Variants in ZCWPW2 observed in about 807,000 individuals in gnomAD.
The protein encoded by ZCWPW2 is zinc finger CW-type PWWP domain protein 2.
ZCWPW2 carries 45 observed loss-of-function variants against 46.6 expected under a neutral mutation model. The observed-to-expected ratio is 0.96, with a 90% CI of 0.76 to 1.24. The LOEUF (loss-of-function observed/expected upper bound fraction) is 1.24. Among genes scored for constraint, ZCWPW2 ranks in the 50% most tolerant of loss-of-function variants. The probability of loss-of-function intolerance (pLI) is 0.00; values close to 1 mark genes in which losing one functional copy is unlikely to be tolerated. For synonymous variants in ZCWPW2, 152 were observed against 137.1 expected, an observed-to-expected ratio of 1.11 and a Z score of -0.76; for missense variants, 429 against 403.9, an observed-to-expected ratio of 1.06 and a Z score of -0.53.
chr3:28,404,905 A>G (rs192945979), intron 2 of ZCWPW2, among the ~76,000 whole-genome samples: 3 of 152,320 alleles, frequency 2.0e-5, no homozygotes, highest in Non-Finnish European at 4.4e-5. Context: ...GGTGAGGGAC[A>G]AAAGACTACA....
At chr3:28,470,511 AAG>A (rs1272856486) in intron 4 of ZCWPW2, among the ~76,000 whole-genome samples, 2 of 87,056 alleles carry the variant, frequency 2.3e-5, no homozygotes, top group African/African-American at 7.5e-5. Flanking sequence ...AAAAAAAAAA[AAG>A]GAAGGAAATT....
rs1383295075 is a variant in ZCWPW2 at position 28,398,793 on chromosome 3, G to A, written c.-14+8176G>A. On this transcript the variant is annotated intron_variant, in intron 2 of 9. Transcript: ENST00000383768. ...GCAGCAGGAAAAGACCTGTGAGCTC[G>A]CTGGGTCCCCTAGAAAGCCATATCT... Among the ~76,000 whole-genome samples the A allele has an allele frequency of 5.3e-5, 8 of 152,146 alleles. No individual in the cohort carries two copies. In the East Asian group the frequency reaches 1.3e-3, roughly 26 times the overall value.
intron 5 of ZCWPW2, among the ~76,000 whole-genome samples, chr3:28,487,325 T>A (rs1699637969): frequency 6.6e-6 from 1 of 152,086 alleles, no homozygotes; most frequent in South Asian, 2.1e-4. Context: ...AGTTTTTTAG[T>A]TTTGGTGGTT....
intron 3 of ZCWPW2, 95 bp downstream of exon 3, chr3:28,413,495 T>G: frequency 9.2e-7 from 1 of 1,081,788 alleles, no homozygotes; most frequent in Non-Finnish European, 1.3e-6. Context: ...TTTTCTTTTG[T>G]CTACTTGTTT....
In ZCWPW2 at chr3:28,353,372, A is replaced by G. The variant is rs546646326; in HGVS notation, c.-134+4169A>G. ...TGATCAATTTAAAATATTTTGAAAC[A>G]CTAAAATATATTATGTTGGGATAAG... On this transcript the variant is annotated intron_variant, in intron 1 of 9. Coordinates refer to ENST00000383768, the MANE Select transcript of ZCWPW2 (RefSeq NM_001040432.4). Among the ~76,000 whole-genome samples, 19 of 152,302 alleles carry G rather than the reference A, an allele frequency of 1.2e-4. No homozygotes were observed. In the East Asian group the frequency reaches 3.7e-3, roughly 29 times the overall value.
chr3:28,500,490 CACTT>C (rs1464711053), intron 6 of ZCWPW2, among the ~76,000 whole-genome samples: 8 of 152,000 alleles, frequency 5.3e-5, no homozygotes, highest in Admixed American at 5.3e-4. Flanking sequence ...TTTTCCCTAA[CACTT>C]ATTAATGCCA....
intron 4 of ZCWPW2, among the ~76,000 whole-genome samples, chr3:28,454,921 T>C (rs1698366732): frequency 6.6e-6 from 1 of 152,220 alleles, no homozygotes; most frequent in Non-Finnish European, 1.5e-5. Context: ...GTATTTGCTA[T>C]TGTGAATAGT....
intron 1 of ZCWPW2, among the ~76,000 whole-genome samples, chr3:28,379,369 T>C (rs2125708240): frequency 6.6e-6 from 1 of 152,170 alleles, no homozygotes; most frequent in African/African-American, 2.4e-5. Context: ...AAATAATACA[T>C]TAAAAAGACA....
At chr3:28,463,192 ACTTC>A (rs1373947519) in intron 4 of ZCWPW2, among the ~76,000 whole-genome samples, 5 of 152,162 alleles carry the variant, frequency 3.3e-5, no homozygotes, top group Admixed American at 6.5e-5. Context: ...TATAATTATT[ACTTC>A]CTTTATCCTC....
At chr3:28,520,639 T>G (rs1438805422) in intron 8 of ZCWPW2, among the ~76,000 whole-genome samples, 1 of 152,208 alleles carries the variant, frequency 6.6e-6, no homozygotes, top group Non-Finnish European at 1.5e-5. Context: ...TCTCTGGCCC[T>G]TTAGAGAAAA....
At chr3:28,506,846 C>T (rs1217773803) in intron 6 of ZCWPW2, among the ~76,000 whole-genome samples, 1 of 152,068 alleles carries the variant, frequency 6.6e-6, no homozygotes, top group Non-Finnish European at 1.5e-5. Context: ...AGAATCTGGA[C>T]ACTGGTCCAT....
chr3:28,492,834 T>C (rs1320756432), intron 6 of ZCWPW2, among the ~76,000 whole-genome samples: 1 of 151,994 alleles, frequency 6.6e-6, no homozygotes, highest in Non-Finnish European at 1.5e-5. Flanking sequence ...CATATACTAG[T>C]GCCACAATAA....
chr3:28,414,718 T>C (rs1410143062), intron 3 of ZCWPW2, among the ~76,000 whole-genome samples: 1 of 96,316 alleles, frequency 1.0e-5, no homozygotes, highest in East Asian at 3.1e-4. Flanking sequence ...TTTGGTTTTT[T>C]GTCCTTGCGA....
Position 28,396,797 on chromosome 3 carries a change from T to C in ZCWPW2, c.-14+6180T>C, listed in dbSNP as rs951864389. 2.7e-4 allele frequency among the ~76,000 whole-genome samples: 41 copies of C among 152,228 alleles called. 1 individual carries two copies. The highest frequency in any genetic ancestry group is 9.9e-4 in the African/African-American group (41 of 41,448). On this transcript the variant is annotated intron_variant, in intron 2 of 9. Coordinates refer to ENST00000383768, the MANE Select transcript of ZCWPW2 (RefSeq NM_001040432.4). ...ATCATAAGTAGCCGTTTATCTTCAT[T>C]ACTATTCCATATGTATTTATTCATA... is the stretch of plus-strand genomic sequence containing the variant.
At chr3:28,440,273 G>T (rs1257644467) in intron 4 of ZCWPW2, among the ~76,000 whole-genome samples, 3 of 152,152 alleles carry the variant, frequency 2.0e-5, no homozygotes, top group Admixed American at 6.5e-5. Context: ...AAAGTGTCCA[G>T]GTGGCAATCT....
chr3:28,395,050 A>G (rs1371367462), intron 2 of ZCWPW2, among the ~76,000 whole-genome samples: 2 of 152,138 alleles, frequency 1.3e-5, no homozygotes, highest in Non-Finnish European at 2.9e-5. Flanking sequence ...AATTCATACA[A>G]TTCTGTAGCA....
At chr3:28,438,820 T>G (rs1481376982) in intron 4 of ZCWPW2, among the ~76,000 whole-genome samples, 1 of 151,770 alleles carries the variant, frequency 6.6e-6, no homozygotes, top group Non-Finnish European at 1.5e-5. Context: ...AAGACAAATA[T>G]GAATAAGGAA....
intron 6 of ZCWPW2, among the ~76,000 whole-genome samples, chr3:28,507,946 G>A (rs1165258959): frequency 5.3e-5 from 8 of 152,026 alleles, no homozygotes; most frequent in Non-Finnish European, 1.0e-4. Flanking sequence ...TTAAAGCTAC[G>A]TGTCTTAGTT....
At chr3:28,501,685 C>A (rs1457909) in intron 6 of ZCWPW2, among the ~76,000 whole-genome samples, 30,940 of 152,074 alleles carry the variant, frequency 0.2, 3,592 homozygotes, top group Middle Eastern at 0.29. Context: ...CAGAAAGTTT[C>A]CTCATGTAAA....
Sources: allele counts gnomAD v4.1 joint callset (sites outside exome capture counted in the v4.1 genomes callset), GRCh38; gene constraint gnomAD v4.1.1; transcripts MANE v1.5; gene names NCBI Gene and HGNC (gene_info 2026-07-23, HGNC 2026-07-21).